The following LIX1 variants were observed in gnomAD, a reference collection of about 807,000 sequenced individuals.
LIX1 encodes limb and CNS expressed 1, also known as protein limb expression 1 homolog.
Under a neutral mutation model 33.4 loss-of-function variants are expected in LIX1, and 24 were observed. That is an observed-to-expected ratio of 0.72 (90% CI 0.52 to 1.01). LIX1 has a LOEUF of 1.01. LIX1 is among the 50% of genes least tolerant of loss of function. The probability of loss-of-function intolerance (pLI) is 0.00; values close to 1 mark genes in which losing one functional copy is unlikely to be tolerated. For synonymous variants in LIX1, 124 were observed against 124.0 expected, an observed-to-expected ratio of 1.00 and a Z score of 0.00; for missense variants, 311 against 339.2, an observed-to-expected ratio of 0.92 and a Z score of 0.65.
At chr5:97,097,925 C>A (rs1310711413) in intron 4 of LIX1, among the ~76,000 whole-genome samples, 2 of 152,204 alleles carry the variant, frequency 1.3e-5, no homozygotes, top group African/African-American at 4.8e-5. Flanking sequence ...CTGCTTTAAT[C>A]TTTACAAGAG....
chr5:97,138,511 C>T (rs1748215029), intron 1 of LIX1, among the ~76,000 whole-genome samples: 1 of 152,200 alleles, frequency 6.6e-6, no homozygotes, highest in African/African-American at 2.4e-5. Flanking sequence ...AGGCCATAAA[C>T]TTCCAGAACT....
In LIX1 at chr5:97,105,178, G is replaced by A. The variant is rs1285070851; in HGVS notation, c.483+12C>T. On this transcript the variant is annotated intron_variant, in intron 4 of 5. Transcript: ENST00000274382. ...GGATAATCAAACAAATATGTGGCAG[G>A]CAGGCAGGTACCTGAAACTCCAGCA... The A allele has an allele frequency of 1.9e-6, 3 of 1,608,896 alleles. No individual in the cohort carries two copies. The East Asian group carries it at 6.7e-5, about 36-fold the overall frequency.
intron 1 of LIX1, among the ~76,000 whole-genome samples, chr5:97,136,256 C>G (rs781707625): frequency 6.6e-6 from 1 of 152,186 alleles, no homozygotes; most frequent in Non-Finnish European, 1.5e-5. Flanking sequence ...GTCTTTAGAG[C>G]CCCGACTTTC....
In LIX1 at chr5:97,107,225, TAAC is replaced by T. The variant is rs1243273907; in HGVS notation, c.387+132_387+134del. 4.7e-6 allele frequency: 4 copies of T among 848,648 alleles called. No individual in the cohort carries two copies. In the East Asian group the frequency reaches 7.6e-5, roughly 16 times the overall value. The allele number at this position is 848,648 out of a possible 1,614,324, so 52.6% of individuals were successfully genotyped here. A position where few individuals can be genotyped will look rare whatever the true frequency, so the allele number is the denominator to read the frequency against. ...TTTAAGTATTCTGTTTTCTGAAAAT[TAAC>T]AATTCAGTGGGTAAAAATTGAATCT... On this transcript the variant is annotated intron_variant, in intron 3 of 5. Transcript: ENST00000274382.
intron 1 of LIX1, among the ~76,000 whole-genome samples, chr5:97,132,489 G>C (rs1467631509): frequency 1.3e-5 from 2 of 152,182 alleles, no homozygotes. Context: ...TGGGTGAAGG[G>C]AGAGAAATAA....
intron 1 of LIX1, among the ~76,000 whole-genome samples, chr5:97,126,596 T>C (rs916772053): frequency 1.3e-5 from 2 of 152,100 alleles, no homozygotes; most frequent in Non-Finnish European, 2.9e-5. Context: ...ATTACAGAGC[T>C]TTTTAATTTT....
chr5:97,124,655 G>T (rs756639951), intron 1 of LIX1, 26 bp from the exon 2 acceptor site: 35 of 1,593,030 alleles, frequency 2.2e-5, no homozygotes, highest in Non-Finnish European at 2.9e-5. Context: ...AACACCATCA[G>T]TTATTAAGGA....
intron 2 of LIX1, among the ~76,000 whole-genome samples, chr5:97,114,075 G>C (rs1467532973): frequency 6.6e-6 from 1 of 152,342 alleles, no homozygotes; most frequent in African/African-American, 2.4e-5. Flanking sequence ...CTTGTAGGAA[G>C]CATCTCATTC....
intron 3 of LIX1, among the ~76,000 whole-genome samples, chr5:97,105,662 T>C (rs986905740): frequency 1.3e-5 from 2 of 152,254 alleles, no homozygotes; most frequent in Non-Finnish European, 2.9e-5. Flanking sequence ...GATTACATAA[T>C]TGACATGGAA....
At chr5:97,111,282 T>C (rs1747377977) in intron 2 of LIX1, among the ~76,000 whole-genome samples, 1 of 152,206 alleles carries the variant, frequency 6.6e-6, no homozygotes, top group Non-Finnish European at 1.5e-5. Flanking sequence ...CTAGACATAA[T>C]GTTCAAGAGA....
chr5:97,116,653 G>A (rs1193314707), intron 2 of LIX1, among the ~76,000 whole-genome samples: 1 of 152,026 alleles, frequency 6.6e-6, no homozygotes. Context: ...GTTGTGCTTT[G>A]CTCCTTGAGG....
chr5:97,105,304 A>G lies in LIX1; in HGVS notation c.388-19T>C, dbSNP rs2112762858. 1.9e-6 allele frequency: 3 copies of G among 1,602,710 alleles called. No individual in the cohort carries two copies. The highest frequency in any genetic ancestry group is 2.6e-6 in the Non-Finnish European group (3 of 1,170,266). ...AGGTGCCCTTGGGAAAGAAAGCAGAAAAAGAAAAATTACTGATTTTTCCTC... is the reference window on the plus strand; with the variant it reads ...AGGTGCCCTTGGGAAAGAAAGCAGAGAAAGAAAAATTACTGATTTTTCCTC... On this transcript the variant is annotated intron_variant, in intron 3 of 5. Transcript: ENST00000274382.
chr5:97,099,791 C>T (rs1462120347), intron 4 of LIX1, among the ~76,000 whole-genome samples: 1 of 152,106 alleles, frequency 6.6e-6, no homozygotes, highest in East Asian at 1.9e-4. Flanking sequence ...CAGCTGCGAT[C>T]GCGATACCAC....
intron 1 of LIX1, among the ~76,000 whole-genome samples, chr5:97,127,747 T>C (rs567814767): frequency 6.6e-6 from 1 of 152,346 alleles, no homozygotes; most frequent in South Asian, 2.1e-4. Flanking sequence ...CAATACATAG[T>C]TGATCTCTAG....
intron 4 of LIX1, among the ~76,000 whole-genome samples, chr5:97,098,228 C>T (rs865896206): frequency 2.0e-5 from 3 of 152,246 alleles, no homozygotes; most frequent in East Asian, 1.9e-4. Flanking sequence ...GAAATATAGA[C>T]AATAAGGTTG....
chr5:97,140,958 C>T (rs1339398800), intron 1 of LIX1, among the ~76,000 whole-genome samples: 1 of 152,164 alleles, frequency 6.6e-6, no homozygotes, highest in Non-Finnish European at 1.5e-5. Context: ...CCTGCAAAGT[C>T]CTGGATGACA....
At chr5:97,113,697 T>C (rs994599344) in intron 2 of LIX1, among the ~76,000 whole-genome samples, 2 of 152,210 alleles carry the variant, frequency 1.3e-5, no homozygotes, top group Non-Finnish European at 2.9e-5. Context: ...GCTATTTTGC[T>C]CTTCACAGAA....
At chr5:97,130,885 C>T (rs913808598) in intron 1 of LIX1, among the ~76,000 whole-genome samples, 5 of 152,096 alleles carry the variant, frequency 3.3e-5, no homozygotes, top group African/African-American at 4.8e-5. Context: ...GGTGATAGGC[C>T]CCTACAGGAG....
intron 4 of LIX1, among the ~76,000 whole-genome samples, chr5:97,098,029 T>A (rs1746483569): frequency 6.6e-6 from 1 of 152,258 alleles, no homozygotes; most frequent in South Asian, 2.1e-4. Flanking sequence ...GCTCAGCTCA[T>A]CGGAACGCTC....
Sources: allele counts gnomAD v4.1 joint callset (sites outside exome capture counted in the v4.1 genomes callset), GRCh38; gene constraint gnomAD v4.1.1; transcripts MANE v1.5; gene names NCBI Gene and HGNC (gene_info 2026-07-23, HGNC 2026-07-21).